The following EXPH5 variants were observed in gnomAD, a reference collection of about 807,000 sequenced individuals.
The protein encoded by EXPH5 is exophilin-5.
EXPH5 carries 42 observed loss-of-function variants against 41.1 expected under a neutral mutation model. The observed-to-expected ratio is 1.02, with a 90% CI of 0.80 to 1.32. The LOEUF is 1.32. Ranked by LOEUF, EXPH5 falls within the 40% of genes most tolerant of loss-of-function variation. The pLI is 0.00. For missense variants in EXPH5, 2,298 were observed against 2,314.5 expected, an observed-to-expected ratio of 0.99 and a Z score of 0.15; for synonymous variants, 798 against 833.5, an observed-to-expected ratio of 0.96 and a Z score of 0.73.
upstream of EXPH5, among the ~76,000 whole-genome samples, chr11:108,596,257 G>T (rs2094138811): frequency 6.6e-6 from 1 of 152,074 alleles, no homozygotes; most frequent in Admixed American, 6.5e-5. Flanking sequence ...GTAGAGTGAA[G>T]ATGGCATCAA....
chr11:108,519,776 C>A (rs1373213612), intron 4 of EXPH5, among the ~76,000 whole-genome samples: 1 of 148,566 alleles, frequency 6.7e-6, no homozygotes, highest in African/African-American at 2.5e-5. Context: ...AAAAAAAAAC[C>A]CACAAAAAAC....
upstream of EXPH5, among the ~76,000 whole-genome samples, chr11:108,596,509 A>C (rs1254569029): frequency 6.6e-6 from 1 of 152,224 alleles, no homozygotes; most frequent in African/African-American, 2.4e-5. Flanking sequence ...TCAAGAAATC[A>C]GGTGTTCAGT....
intron 1 of EXPH5, among the ~76,000 whole-genome samples, chr11:108,568,489 C>T (rs1440597770): frequency 6.6e-6 from 1 of 152,174 alleles, no homozygotes; most frequent in East Asian, 1.9e-4. Flanking sequence ...CAGAATTCTG[C>T]TTTGAAATCT....
rs1470638170 is a variant in EXPH5 at position 108,517,967 on chromosome 11, C to A, written c.631+268G>T. ...AGAGATGGGGTCTCAAACTCCTGAC[C>A]CCTAAGGTTAAATATTAAACATTAT... On this transcript the variant is annotated intron_variant, in intron 5 of 5. Coordinates refer to ENST00000265843, the MANE Select transcript of EXPH5 (RefSeq NM_015065.3). Among the ~76,000 whole-genome samples the A allele has an allele frequency of 2.6e-5, 4 of 152,000 alleles. No homozygotes were observed. In the East Asian group the frequency reaches 7.7e-4, roughly 29 times the overall value.
At chr11:108,530,217 C>A (rs897514848) in intron 3 of EXPH5, among the ~76,000 whole-genome samples, 6 of 152,024 alleles carry the variant, frequency 3.9e-5, no homozygotes, top group African/African-American at 7.2e-5. Flanking sequence ...TATTTTTATT[C>A]TTCTTTTCCA....
At chr11:108,552,280 G>A (rs2093969746) in intron 1 of EXPH5, 1 of 152,166 alleles carries the variant, frequency 6.6e-6, no homozygotes, top group Non-Finnish European at 1.5e-5. Context: ...GCTGACATCA[G>A]AGCCTGCTCT....
At chr11:108,558,408 A>G (rs2136073415) in intron 1 of EXPH5, among the ~76,000 whole-genome samples, 1 of 152,302 alleles carries the variant, frequency 6.6e-6, no homozygotes, top group East Asian at 1.9e-4. Flanking sequence ...TTGTGATTCT[A>G]AGTACACTTT....
chr11:108,566,356 G>A (rs965764981), intron 1 of EXPH5, among the ~76,000 whole-genome samples: 1 of 152,132 alleles, frequency 6.6e-6, no homozygotes. Context: ...TGCATGGAGG[G>A]GGGTGGTGGG....
intron 1 of EXPH5, among the ~76,000 whole-genome samples, chr11:108,547,180 A>AT (rs997511852): frequency 8.6e-5 from 13 of 151,714 alleles, no homozygotes; most frequent in South Asian, 4.2e-4. Flanking sequence ...CATTTTTGTG[A>AT]TTTTTTTTAA....
chr11:108,510,898 G>C lies in EXPH5; in HGVS notation c.4609C>G (p.Pro1537Ala), dbSNP rs1265487083. 1 of 1,614,118 alleles carries C rather than the reference G, an allele frequency of 6.2e-7. No homozygotes were observed. Among genetic ancestry groups the C allele is most frequent in the Admixed American group, 1.7e-5 (1 of 60,026 alleles). ...TGACTTCTTTGAGGTAATTCTCTTGGTTCAGACTGCAGACTCTCTAAGTTT... is the reference window on the plus strand; with the variant it reads ...TGACTTCTTTGAGGTAATTCTCTTGCTTCAGACTGCAGACTCTCTAAGTTT... Reference protein sequence around the residue: ...EPNLESLQSEPRELPQRSQEA... With the variant: ...EPNLESLQSEARELPQRSQEA... Residue 1537 changes from proline (P) to alanine (A), a missense_variant, in exon 6 of 6, where the codon CCA becomes GCA. Physicochemically the swap from Pro to Ala is conservative, Grantham distance 27. Coordinates refer to ENST00000265843, the MANE Select transcript of EXPH5 (RefSeq NM_015065.3).
rs780139975 is a variant in EXPH5, at chr11:108,541,683, T to C, written c.249A>G (p.Thr83=). 2 of 1,609,360 alleles carry C rather than the reference T, an allele frequency of 1.2e-6. No individual in the cohort carries two copies. Among genetic ancestry groups the C allele is most frequent in the East Asian group, 4.5e-5 (2 of 44,822 alleles). The change falls in exon 2 of 6, where the codon ACA becomes ACG. Residue 83 remains threonine, a synonymous_variant. Transcript: ENST00000265843. The stretch of plus-strand genomic sequence containing the variant: ...TTGCCATCTCCTTACTTAGCCTGTA[T>C]GTAAGTGGTTGTTTTAACATTTGGC... ...DVSQMLKQPL[T]YRLSKEMAKN...
chr11:108,607,340 G>A, the EXPH5 span, among the ~76,000 whole-genome samples: 1 of 152,142 alleles, frequency 6.6e-6, no homozygotes, highest in Non-Finnish European at 1.5e-5. Flanking sequence ...TTAGTGTGGG[G>A]TGAATATGGA....
chr11:108,584,651 C>A (rs1466046636), intron 1 of EXPH5, among the ~76,000 whole-genome samples: 1 of 152,078 alleles, frequency 6.6e-6, no homozygotes, highest in Non-Finnish European at 1.5e-5. Flanking sequence ...GGGGCAAAAG[C>A]AATTTAATGA....
At chr11:108,563,129 C>T (rs2094020092) in intron 1 of EXPH5, among the ~76,000 whole-genome samples, 1 of 152,188 alleles carries the variant, frequency 6.6e-6, no homozygotes, top group Non-Finnish European at 1.5e-5. Context: ...AGGAGGCTTT[C>T]TCTAGAGCCA....
intron 1 of EXPH5, among the ~76,000 whole-genome samples, chr11:108,560,634 T>A (rs958719514): frequency 3.3e-5 from 5 of 152,244 alleles, no homozygotes; most frequent in African/African-American, 1.2e-4. Context: ...CAGAAGACCT[T>A]GTTAAGTTTT....
At chr11:108,568,068 C>G (rs905179250) in intron 1 of EXPH5, 2 of 151,972 alleles carry the variant, frequency 1.3e-5, no homozygotes, top group African/African-American at 4.8e-5. Context: ...GAAGACAAAA[C>G]ACCCTTCTGC....
intron 1 of EXPH5, among the ~76,000 whole-genome samples, chr11:108,590,980 T>G (rs1032155562): frequency 3.3e-5 from 5 of 152,222 alleles, no homozygotes; most frequent in African/African-American, 1.2e-4. Context: ...GTATTTCTTC[T>G]TAGTTGTCTT....
At chr11:108,569,863 G>A (rs2094052354) in intron 1 of EXPH5, among the ~76,000 whole-genome samples, 1 of 152,092 alleles carries the variant, frequency 6.6e-6, no homozygotes, top group African/African-American at 2.4e-5. Context: ...GACTCCTGAT[G>A]CTGTGAGGCA....
rs1469007379 is a variant in EXPH5 at position 108,514,346 on chromosome 11, C to T, written c.1161G>A (p.Glu387=). The T allele has an allele frequency of 2.5e-6, 4 of 1,613,326 alleles. No homozygotes were observed. The highest frequency in any genetic ancestry group is 3.4e-6 in the Non-Finnish European group (4 of 1,179,672). ...CCATTGGTGATGGTGCCCTCAGGAA[C>T]TCTTCCTGGTTCTCCCTGTCTCTAG... ...DSSRDRENQE[E]FLRAPSPMEI... The change falls in exon 6 of 6, where the codon GAG becomes GAA. Residue 387 remains glutamate (E), a synonymous_variant. Transcript: ENST00000265843.
Sources: gnomAD v4.1 joint callset for allele counts (sites outside exome capture counted in the v4.1 genomes callset) on GRCh38, gnomAD v4.1.1 for gene constraint, MANE v1.5 for transcripts, NCBI Gene and HGNC (gene_info 2026-07-23, HGNC 2026-07-21) for gene names.